The following TLL1 variants were observed in gnomAD, a reference collection of about 807,000 sequenced individuals.
TLL1 encodes tolloid like 1.
Under a neutral mutation model 128.2 loss-of-function variants are expected in TLL1, and 49 were observed. The observed-to-expected ratio is 0.38, with a 90% CI of 0.30 to 0.48. The LOEUF (loss-of-function observed/expected upper bound fraction) is 0.48, where lower values mean the gene tolerates loss of function less well. Among genes scored for constraint, TLL1 ranks in the 20% least tolerant of loss-of-function variants. The pLI is 0.96. For missense variants in TLL1, 1,123 were observed against 1,242.0 expected, an observed-to-expected ratio of 0.90 and a Z score of 1.44; for synonymous variants, 454 against 418.8, an observed-to-expected ratio of 1.08 and a Z score of -1.03.
chr4:166,005,479 C>T (rs1226733376), intron 6 of TLL1, among the ~76,000 whole-genome samples: 1 of 151,826 alleles, frequency 6.6e-6, no homozygotes, highest in Non-Finnish European at 1.5e-5. Flanking sequence ...AGAGAAAAAT[C>T]AGTGGATTGT....
intron 1 of TLL1, among the ~76,000 whole-genome samples, chr4:165,974,802 C>T (rs1735798433): frequency 6.6e-6 from 1 of 152,206 alleles, no homozygotes; most frequent in South Asian, 2.1e-4. Context: ...CTCCAAATCT[C>T]CATTGCCAAA....
chr4:165,966,670 G>A (rs868014177), intron 1 of TLL1, among the ~76,000 whole-genome samples: 9 of 152,218 alleles, frequency 5.9e-5, no homozygotes, highest in East Asian at 5.8e-4. Context: ...GTTCCGTGAC[G>A]TCCCTTGAGC....
At position 166,065,772 on chromosome 4, in the gene TLL1, AGTGATCACAT is replaced by A; in HGVS notation, c.2098_2107del (p.Val700ProfsTer6). On this transcript the variant is annotated frameshift_variant, in exon 16 of 21. Transcript: ENST00000061240. LOFTEE classifies it high-confidence loss of function. Reference sequence around the variant, plus strand: ...AATTCTGTGGCGCTGAAGTGCCTGAAGTGATCACATCCCAGTTCAACAATATGAGAATTGA... The same window carrying A: ...AATTCTGTGGCGCTGAAGTGCCTGAACCCAGTTCAACAATATGAGAATTGA... 1 of 1,613,134 alleles carries A rather than the reference AGTGATCACAT, an allele frequency of 6.2e-7. No homozygotes were observed. The highest frequency in any genetic ancestry group is 8.5e-7 in the Non-Finnish European group (1 of 1,179,372).
At chr4:166,055,996 C>T (rs372532604) in intron 13 of TLL1, among the ~76,000 whole-genome samples, 2 of 151,822 alleles carry the variant, frequency 1.3e-5, no homozygotes, top group Admixed American at 6.6e-5. Flanking sequence ...ATAAAGGATT[C>T]GATTGTGTAT....
rs551965502 is a variant in TLL1, at chr4:165,988,088, G to GT, written c.170-1287dup. On this transcript the variant is annotated intron_variant, in intron 1 of 20. Transcript: ENST00000061240. ...TCATGATTAATTTCTTATTTCTCGA[G>GT]TTTTTTGTGCTTCCTAAAGTTACTG... Among the ~76,000 whole-genome samples, 603 of 152,168 alleles carry GT rather than the reference G, an allele frequency of 4.0e-3. 5 individuals are homozygous for GT. The highest frequency in any genetic ancestry group is 0.014 in the African/African-American group (582 of 41,554).
At chr4:165,889,623 T>G (rs578206734) in intron 1 of TLL1, among the ~76,000 whole-genome samples, 1 of 152,332 alleles carries the variant, frequency 6.6e-6, no homozygotes, top group Admixed American at 6.5e-5. Context: ...ATTCTTTAAC[T>G]TTGTGGAACA....
intron 1 of TLL1, among the ~76,000 whole-genome samples, chr4:165,964,644 T>C (rs1503296): frequency 0.78 from 118,261 of 152,122 alleles, 47,082 homozygotes; most frequent in African/African-American, 0.95. Flanking sequence ...CAGTCAAGGC[T>C]AGGTGTGACA....
chr4:165,897,791 T>G (rs940856257), intron 1 of TLL1, among the ~76,000 whole-genome samples: 3 of 150,048 alleles, frequency 2.0e-5, no homozygotes, highest in Admixed American at 6.8e-5. Context: ...TGGATGGGGA[T>G]AGCATTGAGT....
At chr4:166,099,616 A>G in intron 20 of TLL1, 89 bp downstream of exon 20, 2 of 1,389,640 alleles carry the variant, frequency 1.4e-6, no homozygotes, top group Non-Finnish European at 2.0e-6. Flanking sequence ...CAAGTTGGCA[A>G]TGCTTTTTGC....
At chr4:166,002,690 CCAGGTTGGCCTTCCGAAGTGCTAGGATTA>C (rs1737224755) in intron 5 of TLL1, among the ~76,000 whole-genome samples, 1 of 152,088 alleles carries the variant, frequency 6.6e-6, no homozygotes, top group Non-Finnish European at 1.5e-5. Context: ...AACAGTCCTC[CCAGGTTGGCCTTCCGAAGTGCTAGGATTA>C]CAGGCATGAG....
rs565246156 is a variant in TLL1 at position 166,088,192 on chromosome 4, G to C, written c.2443-2936G>C. On this transcript the variant is annotated intron_variant, in intron 18 of 20. Transcript: ENST00000061240. ...CCATTGTGAACTTCCAAGACTTTTCGGGAAACTAAGTGTCTTCTGGGGACA... is the reference window on the plus strand; with the variant it reads ...CCATTGTGAACTTCCAAGACTTTTCCGGAAACTAAGTGTCTTCTGGGGACA... Among the ~76,000 whole-genome samples the C allele has an allele frequency of 5.1e-4, 77 of 152,050 alleles. 2 individuals are homozygous for C. Among genetic ancestry groups the C allele is most frequent in the African/African-American group, 1.8e-3 (74 of 41,514 alleles).
At chr4:166,063,095 A>T (rs1475823502) in intron 15 of TLL1, among the ~76,000 whole-genome samples, 2 of 152,216 alleles carry the variant, frequency 1.3e-5, no homozygotes, top group Non-Finnish European at 1.5e-5. Context: ...TACCCATCTG[A>T]CAAAGTTCTA....
chr4:166,000,480 A>C (rs377705858), intron 5 of TLL1, among the ~76,000 whole-genome samples: 1 of 152,170 alleles, frequency 6.6e-6, no homozygotes, highest in African/African-American at 2.4e-5. Context: ...TCTTATAGGA[A>C]ATTGCTATGA....
chr4:165,950,916 CA>C (rs1734481743), intron 1 of TLL1, among the ~76,000 whole-genome samples: 2 of 151,988 alleles, frequency 1.3e-5, no homozygotes, highest in African/African-American at 4.8e-5. Context: ...AAGCAAAAGT[CA>C]TTTAAGCTCG....
intron 1 of TLL1, among the ~76,000 whole-genome samples, chr4:165,933,149 G>T (rs949747544): frequency 6.6e-6 from 1 of 152,056 alleles, no homozygotes; most frequent in African/African-American, 2.4e-5. Flanking sequence ...TGCAGTAATG[G>T]GTACTTAAAG....
chr4:166,090,676 T>C (rs1293157845), intron 18 of TLL1, among the ~76,000 whole-genome samples: 1 of 152,092 alleles, frequency 6.6e-6, no homozygotes, highest in Non-Finnish European at 1.5e-5. Flanking sequence ...CATTTAAGTT[T>C]TGTAAAAATA....
chr4:166,096,056 G>A lies in TLL1; in HGVS notation c.2657-3221G>A, dbSNP rs77531142. Among the ~76,000 whole-genome samples, 369 of 152,170 alleles carry A rather than the reference G, an allele frequency of 2.4e-3. 4 individuals carry two copies. Among genetic ancestry groups the A allele is most frequent in the African/African-American group, 8.5e-3 (353 of 41,548 alleles). ...AACACTCAGAAGCAATTGCCCTCAG[G>A]CTGCCTATTTTATTCTGGAATTTCT... is the stretch of plus-strand genomic sequence containing the variant. On this transcript the variant is annotated intron_variant, in intron 19 of 20. Coordinates refer to ENST00000061240, the MANE Select transcript of TLL1 (RefSeq NM_012464.5).
At chr4:165,967,007 C>A (rs1735416381) in intron 1 of TLL1, among the ~76,000 whole-genome samples, 1 of 152,318 alleles carries the variant, frequency 6.6e-6, no homozygotes, top group African/African-American at 2.4e-5. Context: ...CATCCCTTAT[C>A]TGCAACCGTG....
At chr4:166,075,052 G>A (rs780582303) in intron 17 of TLL1, 49 bp downstream of exon 17, 1 of 1,606,418 alleles carries the variant, frequency 6.2e-7, no homozygotes, top group South Asian at 1.1e-5. Context: ...ATTTCATGTG[G>A]TTTGGGTAAA....
Sources: allele counts gnomAD v4.1 joint callset (sites outside exome capture counted in the v4.1 genomes callset), GRCh38; gene constraint gnomAD v4.1.1; transcripts MANE v1.5; gene names NCBI Gene and HGNC (gene_info 2026-07-23, HGNC 2026-07-21).